Variants in PRMT8 observed in about 807,000 individuals in gnomAD.
PRMT8 encodes protein arginine N-methyltransferase 8.
Under a neutral mutation model 47.1 loss-of-function variants are expected in PRMT8, and 7 were observed. The observed-to-expected ratio is 0.15, with a 90% confidence interval of 0.08 to 0.28. The LOEUF (loss-of-function observed/expected upper bound fraction) is 0.28. Among genes scored for constraint, PRMT8 ranks in the 10% least tolerant of loss-of-function variants. The probability of loss-of-function intolerance (pLI) is 1.00; values close to 1 mark genes in which losing one functional copy is unlikely to be tolerated. For synonymous variants in PRMT8, 188 were observed against 186.5 expected, an observed-to-expected ratio of 1.01 and a Z score of -0.07; for missense variants, 237 against 505.4, an observed-to-expected ratio of 0.47 and a Z score of 5.09.
At chr12:3,488,288 G>A (rs1399654624), upstream of PRMT8, among the ~76,000 whole-genome samples, 3 of 152,112 alleles carry the variant, frequency 2.0e-5, no homozygotes, top group African/African-American at 4.8e-5. Context: ...AGGGCCTAGC[G>A]AATGTTGACA....
At chr12:3,531,058 T>G (rs1475720233) in intron 1 of PRMT8, among the ~76,000 whole-genome samples, 1 of 152,124 alleles carries the variant, frequency 6.6e-6, no homozygotes, top group African/African-American at 2.4e-5. Flanking sequence ...CAGGGAAAAC[T>G]CCTCTGAGGA....
At chr12:3,472,600 C>A (rs1865171987) in intron 1 of PRMT8, among the ~76,000 whole-genome samples, 1 of 152,188 alleles carries the variant, frequency 6.6e-6, no homozygotes, top group South Asian at 2.1e-4. Context: ...TTTGGGAAGT[C>A]CAAGTGACTC....
chr12:3,462,125 T>A (rs1865048935), intron 1 of PRMT8, among the ~76,000 whole-genome samples: 1 of 152,072 alleles, frequency 6.6e-6, no homozygotes, highest in Non-Finnish European at 1.5e-5. Flanking sequence ...TGCCCACTTA[T>A]AAGTGAGAAC....
intron 8 of PRMT8, among the ~76,000 whole-genome samples, chr12:3,585,232 C>G (rs1444462943): frequency 1.3e-5 from 2 of 150,686 alleles, no homozygotes; most frequent in African/African-American, 4.9e-5. Flanking sequence ...AGCATGTCAT[C>G]AGGGGGTGAG....
chr12:3,452,904 G>A (rs1864936187), intron 1 of PRMT8, among the ~76,000 whole-genome samples: 1 of 152,232 alleles, frequency 6.6e-6, no homozygotes, highest in Admixed American at 6.5e-5. Flanking sequence ...GTGGGGTGGT[G>A]AGAGGACAAT....
At chr12:3,577,079 C>T (rs890299725) in intron 7 of PRMT8, 93 bp downstream of exon 7, 2 of 1,084,914 alleles carry the variant, frequency 1.8e-6, no homozygotes, top group African/African-American at 1.6e-5. Context: ...GCACAGCCCC[C>T]ACCTGGTGAG....
At chr12:3,542,959 A>G (rs1332005922) in intron 2 of PRMT8, among the ~76,000 whole-genome samples, 1 of 152,264 alleles carries the variant, frequency 6.6e-6, no homozygotes, top group Non-Finnish European at 1.5e-5. Context: ...AGGGGAGAGG[A>G]CATCAAGTTT....
chr12:3,394,237 C>T (rs1365675524), intron 1 of PRMT8, among the ~76,000 whole-genome samples: 4 of 152,034 alleles, frequency 2.6e-5, no homozygotes, highest in Non-Finnish European at 4.4e-5. Flanking sequence ...GCCAGAACTT[C>T]CAACACTATG....
intron 1 of PRMT8, among the ~76,000 whole-genome samples, chr12:3,479,913 G>A (rs1338930025): frequency 6.6e-6 from 1 of 152,094 alleles, no homozygotes; most frequent in East Asian, 1.9e-4. Flanking sequence ...AGCAGAATGA[G>A]AGGAAACTAT....
chr12:3,541,277 C>T (rs11062713), intron 2 of PRMT8, among the ~76,000 whole-genome samples: 46,828 of 152,036 alleles, frequency 0.31, 7,341 homozygotes, highest in Admixed American at 0.38. Flanking sequence ...GGTCTGACAC[C>T]CTGATTGATT....
At chr12:3,435,223 C>T (rs375096446) in intron 1 of PRMT8, among the ~76,000 whole-genome samples, 12 of 152,078 alleles carry the variant, frequency 7.9e-5, no homozygotes, top group African/African-American at 2.9e-4. Flanking sequence ...CCCACCTCTG[C>T]CTCCCAAAGT....
At chr12:3,384,822 A>G (rs1864124573) in intron 1 of PRMT8, among the ~76,000 whole-genome samples, 1 of 152,058 alleles carries the variant, frequency 6.6e-6, no homozygotes, top group Non-Finnish European at 1.5e-5. Context: ...GTGTTGGATG[A>G]CAATTTGTTG....
At chr12:3,452,164 G>A (rs1864925060) in intron 1 of PRMT8, among the ~76,000 whole-genome samples, 1 of 152,150 alleles carries the variant, frequency 6.6e-6, no homozygotes, top group African/African-American at 2.4e-5. Context: ...GCCTCCTTGA[G>A]GACAGAGGGT....
At chr12:3,591,591 A>G (rs965618272) in intron 8 of PRMT8, among the ~76,000 whole-genome samples, 1 of 151,738 alleles carries the variant, frequency 6.6e-6, no homozygotes, top group African/African-American at 2.4e-5. Context: ...TAGTTTTCTC[A>G]TTATGTTGCC....
At chr12:3,418,521 G>A (rs923567532) in intron 1 of PRMT8, among the ~76,000 whole-genome samples, 5 of 152,224 alleles carry the variant, frequency 3.3e-5, no homozygotes, top group African/African-American at 1.2e-4. Flanking sequence ...GCTGATGCCA[G>A]TGCTCTAGCC....
rs1179283164 is a variant in PRMT8, at chr12:3,504,448, G to A, written c.75+12748G>A. ...CAGGACCCTCAGCTGCAGGTCTGCT[G>A]GAATACCCTGCCGTGTGAGGTGTCA... On this transcript the variant is annotated intron_variant, in intron 1 of 9. Coordinates refer to ENST00000382622, the MANE Select transcript of PRMT8 (RefSeq NM_019854.5). 2.7e-4 allele frequency among the ~76,000 whole-genome samples: 31 copies of A among 115,998 alleles called. 1 individual carries two copies. The highest frequency in any genetic ancestry group is 7.2e-4 in the African/African-American group (28 of 38,814). 76.1% of individuals were successfully genotyped at this position (115,998 alleles called of 152,430 possible).
intron 1 of PRMT8, among the ~76,000 whole-genome samples, chr12:3,495,821 C>A (rs1430539684): frequency 1.3e-5 from 2 of 152,162 alleles, no homozygotes; most frequent in African/African-American, 4.8e-5. Context: ...CCCACCCCAC[C>A]TGTCTGCTGT....
intron 4 of PRMT8, among the ~76,000 whole-genome samples, chr12:3,558,948 GTCTA>G (rs1168366329): frequency 5.3e-5 from 6 of 112,700 alleles, no homozygotes; most frequent in Admixed American, 3.5e-4. Flanking sequence ...ACATTTATCT[GTCTA>G]TCTATCTACC....
Position 3,538,520 on chromosome 12 carries a change from C to T in PRMT8, c.76-2086C>T. ...CGGGGAGTCTTAGCCTGTGGAGTCC[C>T]AGGAAGCACATGGAAAAGAGAGCCT... On this transcript the variant is annotated intron_variant, in intron 1 of 9. Coordinates refer to ENST00000382622, the MANE Select transcript of PRMT8 (RefSeq NM_019854.5). The surrounding 1 kb of genome is among the most constrained non-coding windows in gnomAD (Gnocchi z 4.6). The T allele has an allele frequency of 6.6e-6, 3 of 456,804 alleles. No individual in the cohort carries two copies. The highest frequency in any genetic ancestry group is 1.3e-5 in the Non-Finnish European group (3 of 229,356). 28.3% of individuals were successfully genotyped at this position (456,804 alleles called of 1,614,324 possible). A position where few individuals can be genotyped will look rare whatever the true frequency, so the allele number is the denominator to read the frequency against.
Sources: gnomAD v4.1 joint callset for allele counts (sites outside exome capture counted in the v4.1 genomes callset) on GRCh38, gnomAD v4.1.1 for gene constraint, Gnocchi (gnomAD v3.1) non-coding constraint, MANE v1.5 for transcripts, NCBI Gene and HGNC (gene_info 2026-07-23, HGNC 2026-07-21) for gene names.